ATXN2L: variants seen among roughly 807,000 people sequenced by gnomAD.
The protein encoded by ATXN2L is ataxin-2-like protein.
In ATXN2L, 24 loss-of-function variants were observed where a neutral mutation model predicts 120.7. The observed-to-expected ratio is 0.20, with a 90% confidence interval of 0.14 to 0.28. The LOEUF is 0.28. ATXN2L is among the 10% of genes least tolerant of loss of function. ATXN2L has a pLI of 1.00. For missense variants in ATXN2L, 1,312 were observed against 1,432.3 expected (o/e 0.92, Z 1.36); for synonymous variants, 653 against 568.1 (o/e 1.15, Z -2.13).
chr16:28,831,355 T>A (rs920412816), intron 10 of ATXN2L, among the ~76,000 whole-genome samples: 2 of 151,950 alleles, frequency 1.3e-5, no homozygotes, highest in Non-Finnish European at 2.9e-5. Context: ...TGAAACGGAG[T>A]CTTGCACTGT....
intron 6 of ATXN2L, among the ~76,000 whole-genome samples, chr16:28,827,647 G>T (rs1323550392): frequency 6.6e-6 from 1 of 152,196 alleles, no homozygotes; most frequent in Non-Finnish European, 1.5e-5. Flanking sequence ...CAAGGCAGGA[G>T]CTCCGATCAC....
intron 5 of ATXN2L, 164 bp from the exon 6 acceptor site, chr16:28,826,698 T>A: frequency 1.2e-6 from 1 of 801,880 alleles, no homozygotes; most frequent in Non-Finnish European, 1.8e-6. Flanking sequence ...ATACTCTTCT[T>A]CTCTTGCCTC....
At position 28,836,197 on chromosome 16, in the gene ATXN2L, G is replaced by A. The variant is rs1364447423; in HGVS notation, c.3160G>A (p.Gly1054Arg). The A allele has an allele frequency of 3.7e-6, 6 of 1,614,022 alleles. No homozygotes were observed. The highest frequency in any genetic ancestry group is 5.1e-6 in the Non-Finnish European group (6 of 1,180,018). Residue 1054 changes from glycine to arginine, a missense_variant, in exon 22 of 22, where the codon GGA (glycine) becomes AGA (arginine). Transcript: ENST00000336783. The part of the protein sequence containing the change: ...DRIREFSLAG[G>R]IWHGRAEGLQ... ...GATTCGTGAGTTCTCATTAGCTGGG[G>A]GAATTTGGCATGGAAGAGCTGAGGG...
At position 28,835,609 on chromosome 16, in the gene ATXN2L, C is replaced by G; in HGVS notation, c.2746C>G (p.Pro916Ala). ...SGQPQQNLYHPGALTGTPPSL... is the reference protein window; with the variant it reads ...SGQPQQNLYHAGALTGTPPSL... ...ACAGCCACAGCAGAATCTGTACCAC[C>G]CAGGGGCCCTGACAGGCACGCCGCC... is the stretch of plus-strand genomic sequence containing the variant. The change falls in exon 21 of 22, where the codon CCA (proline) becomes GCA (alanine). Residue 916 changes from proline (P) to alanine (A), a missense_variant. Coordinates refer to ENST00000336783, the MANE Select transcript of ATXN2L (RefSeq NM_007245.4). 6.2e-7 allele frequency: 1 copy of G among 1,614,046 alleles called. No homozygotes were observed. Among genetic ancestry groups the G allele is most frequent in the Non-Finnish European group, 8.5e-7 (1 of 1,179,964 alleles).
At chr16:28,833,804 T>C in intron 15 of ATXN2L, 1 of 615,556 alleles carries the variant, frequency 1.6e-6, no homozygotes, top group Non-Finnish European at 2.8e-6. Context: ...AGTGGGGTAG[T>C]CATGAACAGA....
rs751854644 is a variant in ATXN2L at position 28,836,708 on chromosome 16, TCTC to T, written c.*444_*446del. The stretch of plus-strand genomic sequence containing the variant: ...TTGGGTTCTAATGCTCCTGCTCTCT[TCTC>T]TTTCCCCTCCAACCAGTTCAATCTC... On this transcript the variant is annotated 3_prime_UTR_variant, in exon 22 of 22. Coordinates refer to ENST00000336783, the MANE Select transcript of ATXN2L (RefSeq NM_007245.4). The T allele has an allele frequency of 2.5e-6, 4 of 1,613,614 alleles. No homozygotes were observed. In the East Asian group the frequency reaches 6.7e-5, roughly 27 times the overall value.
At chr16:28,832,174 A>G (rs748397556) in intron 10 of ATXN2L, 31 bp from the exon 11 acceptor site, 2 of 1,612,154 alleles carry the variant, frequency 1.2e-6, no homozygotes, top group African/African-American at 1.3e-5. Context: ...GACCAGCAGT[A>G]ACCATCCTAC....
At chr16:28,835,469 G>C in intron 20 of ATXN2L, 70 bp downstream of exon 20, 3 of 1,611,300 alleles carry the variant, frequency 1.9e-6, no homozygotes, top group Admixed American at 1.7e-5. Context: ...GATAGAGCTA[G>C]GGGTCATTTC....
At position 28,829,432 on chromosome 16, in the gene ATXN2L, A is replaced by C. The variant is rs150427063; in HGVS notation, c.773A>C (p.Lys258Thr). 1.2e-6 allele frequency: 2 copies of C among 1,613,556 alleles called. No homozygotes were observed. The highest frequency in any genetic ancestry group is 1.3e-5 in the African/African-American group (1 of 74,892). The stretch of plus-strand genomic sequence containing the variant: ...GGATGGGACCCCAATGAAATGTTCA[A>C]GTTCAATGAGGAGAACTACGGTGTG... ...SNGWDPNEMF[K>T]FNEENYGVKT... Residue 258 changes from lysine to threonine, a missense_variant, in exon 7 of 22, where the codon AAG becomes ACG. Transcript: ENST00000336783.
chr16:28,824,581 TG>T, intron 1 of ATXN2L: 2 of 1,275,050 alleles, frequency 1.6e-6, no homozygotes, highest in Non-Finnish European at 2.0e-6. Context: ...GTCGAGGGGA[TG>T]GGGTGTGGAG....
intron 12 of ATXN2L, 110 bp downstream of exon 12, chr16:28,832,677 TG>T: frequency 7.1e-7 from 1 of 1,413,558 alleles, no homozygotes. Context: ...TATCAGTCCT[TG>T]GATTATAATT....
rs2050192183 is a variant in ATXN2L, at chr16:28,823,072, GCCT to G, written c.-186_-184del. The G allele has an allele frequency of 8.8e-6, 3 of 341,868 alleles. 1 individual carries two copies. In the East Asian group the frequency reaches 1.3e-4, roughly 14 times the overall value. 21.2% of individuals were successfully genotyped at this position (341,868 alleles called of 1,614,324 possible). The stretch of plus-strand genomic sequence containing the variant: ...CAGCCGCGAGACCCCCTCCCCTTCC[GCCT>G]CGCGGCGCTTCCTCGCGCCGCGGTC... On this transcript the variant is annotated 5_prime_UTR_variant, in exon 1 of 22. Coordinates refer to ENST00000336783, the MANE Select transcript of ATXN2L (RefSeq NM_007245.4).
chr16:28,825,946 T>C, intron 4 of ATXN2L, 105 bp downstream of exon 4: 1 of 1,168,232 alleles, frequency 8.6e-7, no homozygotes, highest in Non-Finnish European at 1.3e-6. Context: ...ATGCCTTTAG[T>C]TGTTTCTGTA....
chr16:28,824,519 C>T (rs1335801833), intron 1 of ATXN2L: 4 of 1,288,032 alleles, frequency 3.1e-6, no homozygotes, highest in South Asian at 1.2e-5. Context: ...GCAGGGTTAC[C>T]TGGCGATTGG....
At chr16:28,825,543 A>T in intron 2 of ATXN2L, 81 bp from the exon 3 acceptor site, 1 of 1,539,576 alleles carries the variant, frequency 6.5e-7, no homozygotes, top group Admixed American at 1.7e-5. Flanking sequence ...CAGAATGAGT[A>T]GAGTGCGGCG....
At chr16:28,823,686 G>T (rs2050429904) in intron 1 of ATXN2L, 128 bp downstream of exon 1, 1 of 1,009,760 alleles carries the variant, frequency 9.9e-7, no homozygotes, top group African/African-American at 1.7e-5. Context: ...CGTGAAGCTG[G>T]GGGAGGGCCC....
Position 28,832,340 on chromosome 16 carries a change from A to G in ATXN2L, c.1457A>G (p.Asp486Gly). 1 of 1,614,148 alleles carries G rather than the reference A, an allele frequency of 6.2e-7. No homozygotes were observed. The highest frequency in any genetic ancestry group is 8.5e-7 in the Non-Finnish European group (1 of 1,180,028). ...ATCCCTGTGACCTCATCAGTCTCAG[A>G]TCCTGGAGTGGGCTCCATTTCTCCA... ...ASIPVTSSVS[D>G]PGVGSISPAS... is the part of the protein sequence containing the mutation. The change falls in exon 11 of 22, where the codon GAT becomes GGT. Residue 486 changes from aspartate (D) to glycine (G), a missense_variant. By Grantham distance (94) the Asp-to-Gly change is moderately conservative. Coordinates refer to ENST00000336783, the MANE Select transcript of ATXN2L (RefSeq NM_007245.4).
Position 28,833,194 on chromosome 16 carries a change from A to G in ATXN2L, c.1795A>G (p.Lys599Glu), listed in dbSNP as rs890606081. The G allele has an allele frequency of 9.3e-6, 15 of 1,614,072 alleles. No homozygotes were observed. The highest frequency in any genetic ancestry group is 1.3e-5 in the Non-Finnish European group (15 of 1,180,046). Residue 599 changes from lysine to glutamate, a missense_variant, in exon 14 of 22, where the codon AAG (lysine) becomes GAG (glutamate). Coordinates refer to ENST00000336783, the MANE Select transcript of ATXN2L (RefSeq NM_007245.4). ...GCCCATGGGGTCTCCCGTCTCCTCC[A>G]AGACAGAGTCCGTATCGGATAAGGA... ...SEPMGSPVSS[K>E]TESVSDKEDK...
chr16:28,823,310 C>A lies in ATXN2L; in HGVS notation c.51C>A (p.Pro17=). The change falls in exon 1 of 22, where the codon CCC becomes CCA. Residue 17 remains proline (P), a synonymous_variant. Coordinates refer to ENST00000336783, the MANE Select transcript of ATXN2L (RefSeq NM_007245.4). ...AGCCCTCCCAGCCCCAGCAGCCGCC[C>A]CCCACGCAACAGGCCGTGGCCCGTC... ...LQQPSQPQQP[P]PTQQAVARRP... is the part of the protein sequence containing the mutation. 1 of 1,492,142 alleles carries A rather than the reference C, an allele frequency of 6.7e-7. No homozygotes were observed. The highest frequency in any genetic ancestry group is 2.7e-5 in the East Asian group (1 of 36,542). The allele number at this position is 1,492,142 out of a possible 1,614,324, so 92.4% of individuals were successfully genotyped here.
Sources: allele counts gnomAD v4.1 joint callset (sites outside exome capture counted in the v4.1 genomes callset), GRCh38; gene constraint gnomAD v4.1.1; transcripts MANE v1.5; gene names NCBI Gene and HGNC (gene_info 2026-07-23, HGNC 2026-07-21).